Variants in PCDH15 observed in about 807,000 individuals in gnomAD.
PCDH15 encodes the protein protocadherin-15.
In PCDH15, 129 loss-of-function variants were observed where a neutral mutation model predicts 178.5. That is an observed-to-expected ratio of 0.72 (90% CI 0.63 to 0.84). The LOEUF is 0.84. PCDH15 is among the 40% of genes least tolerant of loss of function. PCDH15 has a pLI of 0.00. For synonymous variants in PCDH15, 800 were observed against 732.0 expected (o/e 1.09, Z -1.50); for missense variants, 2,230 against 2,099.9 (o/e 1.06, Z -1.21).
At chr10:53,871,734 TG>T (rs2079874920) in intron 26 of PCDH15, among the ~76,000 whole-genome samples, 1 of 151,110 alleles carries the variant, frequency 6.6e-6, no homozygotes, top group African/African-American at 2.4e-5. Context: ...TGTTTTGTTT[TG>T]TTTTGTTTTG....
intron 2 of PCDH15, among the ~76,000 whole-genome samples, chr10:55,459,335 T>C (rs1202689167): frequency 2.6e-5 from 4 of 151,982 alleles, no homozygotes; most frequent in Non-Finnish European, 5.9e-5. Context: ...TTTTGAATCC[T>C]TAGCTAAATG....
chr10:55,550,472 A>G (rs1841982664), intron 2 of PCDH15, among the ~76,000 whole-genome samples: 1 of 152,192 alleles, frequency 6.6e-6, no homozygotes, highest in African/African-American at 2.4e-5. Flanking sequence ...TATAGAATAC[A>G]GCCTCAGTAA....
intron 2 of PCDH15, among the ~76,000 whole-genome samples, chr10:55,054,728 T>A (rs1278768204): frequency 6.6e-6 from 1 of 152,204 alleles, no homozygotes; most frequent in African/African-American, 2.4e-5. Flanking sequence ...TTAGATGGCA[T>A]CTCATTGTGG....
At chr10:55,261,449 T>C (rs940753747) in intron 1 of PCDH15, among the ~76,000 whole-genome samples, 36 of 152,144 alleles carry the variant, frequency 2.4e-4, no homozygotes, top group Admixed American at 2.4e-3. Flanking sequence ...TTGAAAACAT[T>C]TGATGTCTCA....
rs143672475 is a variant in PCDH15, at chr10:54,714,593, T to A, written c.-28-50303A>T. ...GATTCAATTTTTCTAAAGTACATAA[T>A]AAAAGTCATCTTATAGGCTTCTTAC... On this transcript the variant is annotated intron_variant, in intron 1 of 37. Transcript: ENST00000644397. Among the ~76,000 whole-genome samples, 177 of 152,272 alleles carry A rather than the reference T, an allele frequency of 1.2e-3. 1 individual carries two copies. Among genetic ancestry groups the A allele is most frequent in the African/African-American group, 4.1e-3 (170 of 41,564 alleles).
chr10:54,426,329 T>C (rs1956264119), intron 3 of PCDH15, among the ~76,000 whole-genome samples: 1 of 152,176 alleles, frequency 6.6e-6, no homozygotes, highest in African/African-American at 2.4e-5. Context: ...ATGAAACTGT[T>C]CCACCACTCA....
chr10:53,938,352 A>G (rs912836749), intron 25 of PCDH15, among the ~76,000 whole-genome samples: 4 of 152,204 alleles, frequency 2.6e-5, no homozygotes, highest in African/African-American at 9.6e-5. Flanking sequence ...TGTAAATTAA[A>G]AATGAAAAAT....
intron 3 of PCDH15, among the ~76,000 whole-genome samples, chr10:54,861,153 G>A (rs1360201160): frequency 2.0e-5 from 3 of 152,046 alleles, no homozygotes; most frequent in African/African-American, 7.2e-5. Context: ...CCCTTGTAAT[G>A]TCCATCTCCT....
intron 7 of PCDH15, among the ~76,000 whole-genome samples, chr10:54,318,542 T>C (rs10763099): frequency 0.71 from 107,284 of 152,090 alleles, 38,588 homozygotes; most frequent in Middle Eastern, 0.81. Flanking sequence ...TTAGATTTCC[T>C]TAGTTTTTAC....
intron 3 of PCDH15, among the ~76,000 whole-genome samples, chr10:54,853,314 T>TACACATATACAC (rs1333572193): frequency 0.11 from 13,765 of 128,978 alleles, 1,107 homozygotes; most frequent in Admixed American, 0.19. Flanking sequence ...TATATATATA[T>TACACATATACAC]ATATACATAC....
At chr10:55,324,173 A>C (rs1054211327), upstream of PCDH15, among the ~76,000 whole-genome samples, 7 of 152,126 alleles carry the variant, frequency 4.6e-5, no homozygotes, top group African/African-American at 1.7e-4. Context: ...TAGTCCATTA[A>C]ATTTATTTCC....
At chr10:53,856,119 C>T (rs945707323) in intron 28 of PCDH15, among the ~76,000 whole-genome samples, 1 of 150,926 alleles carries the variant, frequency 6.6e-6, no homozygotes, top group Non-Finnish European at 1.5e-5. Context: ...AGTTTGGGGA[C>T]TCAGGGGAAA....
chr10:55,354,811 G>C (rs1218216095), intron 2 of PCDH15, among the ~76,000 whole-genome samples: 1 of 151,866 alleles, frequency 6.6e-6, no homozygotes, highest in Non-Finnish European at 1.5e-5. Context: ...ATTAACACAA[G>C]TATTGATTTG....
rs55742901 is a variant in PCDH15 at position 55,048,741 on chromosome 10, C to T, written c.-80+117835G>A. Among the ~76,000 whole-genome samples, 788 of 151,908 alleles carry T rather than the reference C, an allele frequency of 5.2e-3. 4 individuals are homozygous for T. The highest frequency in any genetic ancestry group is 0.018 in the African/African-American group (758 of 41,498). On this transcript the variant is annotated intron_variant, in intron 2 of 5. Transcript: ENST00000458638. ...ATATATTTTTATTTCAATGTAACTG[C>T]CTCTAAACCTAGAAATGATATTTAT...
At chr10:54,779,365 A>AAT (rs1364136106) in intron 1 of PCDH15, among the ~76,000 whole-genome samples, 1 of 144,172 alleles carries the variant, frequency 6.9e-6, no homozygotes, top group Non-Finnish European at 1.5e-5. Context: ...ACTTTTATTT[A>AAT]ATATATATAT....
At chr10:55,255,800 GT>G (rs912014316) in intron 1 of PCDH15, among the ~76,000 whole-genome samples, 4 of 152,046 alleles carry the variant, frequency 2.6e-5, no homozygotes, top group African/African-American at 9.7e-5. Context: ...TGTTGGGGTT[GT>G]TTTTTTCTTG....
intron 11 of PCDH15, among the ~76,000 whole-genome samples, chr10:54,187,711 C>G (rs752695164): frequency 2.6e-5 from 4 of 151,800 alleles, no homozygotes; most frequent in Non-Finnish European, 5.9e-5. Flanking sequence ...CTATACATGG[C>G]ATATTATAGC....
intron 2 of PCDH15, among the ~76,000 whole-genome samples, chr10:55,088,798 T>C (rs1335367615): frequency 1.3e-5 from 2 of 152,098 alleles, no homozygotes; most frequent in South Asian, 2.1e-4. Context: ...TAAAAATATA[T>C]TGACCAAAAG....
chr10:54,925,846 G>A (rs1837608842), intron 2 of PCDH15, among the ~76,000 whole-genome samples: 1 of 152,134 alleles, frequency 6.6e-6, no homozygotes. Flanking sequence ...CTTTTGAGCT[G>A]AGACTATGCT....
Sources: allele counts gnomAD v4.1 joint callset (sites outside exome capture counted in the v4.1 genomes callset), GRCh38; gene constraint gnomAD v4.1.1; transcripts MANE v1.5; gene names NCBI Gene and HGNC (gene_info 2026-07-23, HGNC 2026-07-21).